Variants in GUF1 observed in about 807,000 individuals in gnomAD.
GUF1 encodes translation factor GUF1, mitochondrial.
In GUF1, 78 loss-of-function variants were observed where a neutral mutation model predicts 82.4. The ratio of observed to expected loss-of-function variants is 0.95; its 90% confidence interval spans 0.79 to 1.14. GUF1 has a LOEUF of 1.14. GUF1 is among the 50% of genes most tolerant of loss of function. GUF1 has a pLI of 0.00. For synonymous variants in GUF1, 279 were observed against 282.3 expected, an observed-to-expected ratio of 0.99 and a Z score of 0.12; for missense variants, 814 against 798.2, an observed-to-expected ratio of 1.02 and a Z score of -0.24.
Position 44,690,798 on chromosome 4 carries a change from G to A in GUF1, c.1417G>A (p.Val473Ile). 6.2e-7 allele frequency: 1 copy of A among 1,605,112 alleles called. No homozygotes were observed. Among genetic ancestry groups the A allele is most frequent in the South Asian group, 1.1e-5 (1 of 90,380 alleles). The change falls in exon 12 of 17, where the codon GTT (valine) becomes ATT (isoleucine). Residue 473 changes from valine to isoleucine, a missense_variant. By Grantham distance (29) the Val-to-Ile change is conservative. Transcript: ENST00000281543. Reference sequence around the variant, plus strand: ...AAAAGTAACAGAATATTTGGAGCCAGTTGTTTTGGGCACTATTATCACACC... The same window carrying A: ...AAAAGTAACAGAATATTTGGAGCCAATTGTTTTGGGCACTATTATCACACC... ...KSKVTEYLEP[V>I]VLGTIITPDE...
intron 10 of GUF1, 41 bp downstream of exon 10, chr4:44,689,450 T>TA: frequency 6.6e-7 from 1 of 1,525,884 alleles, no homozygotes; most frequent in Non-Finnish European, 8.8e-7. Context: ...AAGGGAGGTG[T>TA]AAATGGTGTA....
Position 44,678,484 on chromosome 4 carries a change from C to G in GUF1, c.-139C>G, listed in dbSNP as rs946331656. ...GGATCTGGTACTTGGGCAGAGCTCC[C>G]CGGGGTTCATTGTCTTCGCTTCACA... On this transcript the variant is annotated 5_prime_UTR_variant, in exon 1 of 17. Coordinates refer to ENST00000281543, the MANE Select transcript of GUF1 (RefSeq NM_021927.3). 5.8e-6 allele frequency: 4 copies of G among 684,934 alleles called. No individual in the cohort carries two copies. Among genetic ancestry groups the G allele is most frequent in the Non-Finnish European group, 8.6e-6 (4 of 466,878 alleles). The allele number at this position is 684,934 out of a possible 1,614,324, so 42.4% of individuals were successfully genotyped here. A position where few individuals can be genotyped will look rare whatever the true frequency, so the allele number is the denominator to read the frequency against.
intron 15 of GUF1, among the ~76,000 whole-genome samples, chr4:44,696,964 A>T (rs1715865401): frequency 6.6e-6 from 1 of 152,224 alleles, no homozygotes; most frequent in African/African-American, 2.4e-5. Flanking sequence ...GCTGGGGTGG[A>T]TATATCAAGC....
At position 44,686,568 on chromosome 4, in the gene GUF1, C is replaced by G. The variant is rs757648697; in HGVS notation, c.793C>G (p.Gln265Glu). Residue 265 changes from glutamine (Q) to glutamate (E), a missense_variant, in exon 8 of 17, where the codon CAG becomes GAG. Gln to Glu is a conservative substitution (Grantham distance 29). Coordinates refer to ENST00000281543, the MANE Select transcript of GUF1 (RefSeq NM_021927.3). ...RALVFDSTFD[Q>E]YRGVIANVAL... ...TTTGGTATTTGACTCCACCTTTGAC[C>G]AGTATAGAGGTGTGATAGCCAATGT... The G allele has an allele frequency of 1.2e-6, 2 of 1,612,068 alleles. No individual in the cohort carries two copies. The highest frequency in any genetic ancestry group is 2.2e-5 in the East Asian group (1 of 44,764).
At chr4:44,690,076 CCAATAG>C (rs1715337952) in intron 11 of GUF1, 101 bp downstream of exon 11, 1 of 747,072 alleles carries the variant, frequency 1.3e-6, no homozygotes. Context: ...TTTTACTATA[CCAATAG>C]CTGATTAAGT....
intron 4 of GUF1, among the ~76,000 whole-genome samples, chr4:44,681,420 T>C (rs141954071): frequency 2.3e-4 from 35 of 152,232 alleles, no homozygotes; most frequent in African/African-American, 7.7e-4. Flanking sequence ...ATTGGAATTG[T>C]TCAAAAGATT....
In GUF1 at chr4:44,699,045, C is replaced by A. The variant is rs1716043873; in HGVS notation, c.*364C>A. ...CATAGTAAGCACTCAATTGTAACTACAGTTAAGTCCTTAAATGCCATCGAA... is the reference window on the plus strand; with the variant it reads ...CATAGTAAGCACTCAATTGTAACTAAAGTTAAGTCCTTAAATGCCATCGAA... On this transcript the variant is annotated 3_prime_UTR_variant, in exon 17 of 17. Coordinates refer to ENST00000281543, the MANE Select transcript of GUF1 (RefSeq NM_021927.3). 6.2e-6 allele frequency: 1 copy of A among 161,414 alleles called. No individual in the cohort carries two copies. Among genetic ancestry groups the A allele is most frequent in the Admixed American group, 6.4e-5 (1 of 15,652 alleles). The allele number at this position is 161,414 out of a possible 1,614,324, so 10.0% of individuals were successfully genotyped here.
At chr4:44,688,280 G>T in intron 9 of GUF1, 134 bp downstream of exon 9, 1 of 874,812 alleles carries the variant, frequency 1.1e-6, no homozygotes, top group East Asian at 2.5e-5. Flanking sequence ...GTTTCACTTT[G>T]TGCTGTTTAT....
rs1716089094 is a variant in GUF1 at position 44,699,589 on chromosome 4, A to C, written c.*908A>C. ...CGGACACTAAAAGGCCCCATACTTA[A>C]GATTCCATCTACTTTAAGTTTAAAG... On this transcript the variant is annotated 3_prime_UTR_variant, in exon 17 of 17. Coordinates refer to ENST00000281543, the MANE Select transcript of GUF1 (RefSeq NM_021927.3). 6.6e-6 allele frequency: 1 copy of C among 152,258 alleles called. No individual in the cohort carries two copies. The highest frequency in any genetic ancestry group is 2.4e-5 in the African/African-American group (1 of 41,468). 9.4% of individuals were successfully genotyped at this position (152,258 alleles called of 1,614,324 possible).
At chr4:44,681,706 T>C (rs1005188893) in intron 4 of GUF1, among the ~76,000 whole-genome samples, 3 of 152,136 alleles carry the variant, frequency 2.0e-5, no homozygotes, top group African/African-American at 7.2e-5. Flanking sequence ...TATAAACTTT[T>C]GTTACATGTT....
Position 44,699,375 on chromosome 4 carries a change from G to A in GUF1, c.*694G>A, listed in dbSNP as rs553685058. 1 of 152,210 alleles carries A rather than the reference G, an allele frequency of 6.6e-6. No individual in the cohort carries two copies. Among genetic ancestry groups the A allele is most frequent in the South Asian group, 2.1e-4 (1 of 4,802 alleles). The allele number at this position is 152,210 out of a possible 1,614,324, so 9.4% of individuals were successfully genotyped here. On this transcript the variant is annotated 3_prime_UTR_variant, in exon 17 of 17. Transcript: ENST00000281543. ...TTTTTTGTATCTTTAGTAGAGTCGG[G>A]GTTTCACCATGTTGGCCAGGCTGGT...
chr4:44,694,291 AAAC>A, intron 13 of GUF1, 118 bp from the exon 14 acceptor site: 1 of 663,498 alleles, frequency 1.5e-6, no homozygotes, highest in South Asian at 1.8e-5. Flanking sequence ...ATTTTGATGG[AAAC>A]ATATCTCTTT....
At chr4:44,689,142 C>A in intron 9 of GUF1, 144 bp from the exon 10 acceptor site, 1 of 634,998 alleles carries the variant, frequency 1.6e-6, no homozygotes, top group Non-Finnish European at 2.3e-6. Flanking sequence ...TCATTTTTAG[C>A]AAACCAATAT....
chr4:44,680,010 C>T (rs1453885609), intron 1 of GUF1, among the ~76,000 whole-genome samples: 1 of 152,080 alleles, frequency 6.6e-6, no homozygotes, highest in Admixed American at 6.5e-5. Context: ...ATTAGAGACA[C>T]AGATTTTTAA....
At chr4:44,693,026 A>G (rs1200468598) in intron 13 of GUF1, among the ~76,000 whole-genome samples, 5 of 152,018 alleles carry the variant, frequency 3.3e-5, no homozygotes, top group Non-Finnish European at 7.4e-5. Context: ...TTATTTTTGA[A>G]CTACATAAAA....
Position 44,700,101 on chromosome 4 carries a change from T to C in GUF1, c.*1420T>C, listed in dbSNP as rs1171557191. The C allele has an allele frequency of 6.6e-6, 1 of 152,164 alleles. No homozygotes were observed. The highest frequency in any genetic ancestry group is 1.5e-5 in the Non-Finnish European group (1 of 68,020). The allele number at this position is 152,164 out of a possible 1,614,324, so 9.4% of individuals were successfully genotyped here. On this transcript the variant is annotated 3_prime_UTR_variant, in exon 17 of 17. Transcript: ENST00000281543. ...CCTTGAATGAATTGAATGAAGAAAA[T>C]GTCTTTTAGGGATAAACACTATCAA...
At position 44,678,768 on chromosome 4, in the gene GUF1, A is replaced by T; in HGVS notation, c.146A>T (p.Tyr49Phe). ...APESWATDRL[Y>F]SSAEFKEKLD... ...GAGTCCTGGGCTACCGACAGGCTCT[A>T]CAGCTCCGCAGAATTCAAGGTGACT... is the stretch of plus-strand genomic sequence containing the variant. Residue 49 changes from tyrosine (Y) to phenylalanine (F), a missense_variant, in exon 1 of 17, where the codon TAC (tyrosine) becomes TTC (phenylalanine). By Grantham distance (22) the Tyr-to-Phe change is conservative. Coordinates refer to ENST00000281543, the MANE Select transcript of GUF1 (RefSeq NM_021927.3). The T allele has an allele frequency of 6.4e-7, 1 of 1,554,138 alleles. No homozygotes were observed. The highest frequency in any genetic ancestry group is 8.6e-7 in the Non-Finnish European group (1 of 1,157,012).
intron 2 of GUF1, 55 bp from the exon 3 acceptor site, chr4:44,680,639 A>C (rs1714711909): frequency 7.0e-7 from 1 of 1,437,508 alleles, no homozygotes; most frequent in East Asian, 2.5e-5. Flanking sequence ...TATAAGTAAT[A>C]TTCTCTTTTT....
intron 11 of GUF1, 79 bp downstream of exon 11, chr4:44,690,054 G>T (rs1715336749): frequency 4.8e-6 from 5 of 1,052,032 alleles, no homozygotes; most frequent in Non-Finnish European, 5.2e-6. Context: ...TATATACAAT[G>T]CAGGAGAAGC....
Sources: allele counts gnomAD v4.1 joint callset (sites outside exome capture counted in the v4.1 genomes callset), GRCh38; gene constraint gnomAD v4.1.1; transcripts MANE v1.5; gene names NCBI Gene and HGNC (gene_info 2026-07-23, HGNC 2026-07-21).